The following PRUNE2 variants were observed in gnomAD, a reference collection of about 807,000 sequenced individuals.
PRUNE2 encodes the protein prune homolog 2 with BCH domain.
Under a neutral mutation model 252.0 loss-of-function variants are expected in PRUNE2, and 164 were observed. The ratio of observed to expected loss-of-function variants is 0.65; its 90% CI spans 0.57 to 0.74. PRUNE2 has a LOEUF of 0.74. Ranked by LOEUF, PRUNE2 falls within the 30% of genes least tolerant of loss-of-function variation. The pLI, the probability that PRUNE2 is intolerant of heterozygous loss-of-function variation, is 0.00. For missense variants in PRUNE2, 3,495 were observed against 3,711.0 expected, an observed-to-expected ratio of 0.94 and a Z score of 1.51; for synonymous variants, 1,292 against 1,350.2, an observed-to-expected ratio of 0.96 and a Z score of 0.94.
At chr9:76,660,781 C>CAAAAAAAAAAA (rs11432174) in intron 9 of PRUNE2, among the ~76,000 whole-genome samples, 5 of 101,050 alleles carry the variant, frequency 4.9e-5, no homozygotes, top group Non-Finnish European at 5.7e-5. Context: ...GACTCTGAAT[C>CAAAAAAAAAAA]AAAAAAAAAA....
chr9:76,871,132 C>A (rs2061173088), intron 1 of PRUNE2, among the ~76,000 whole-genome samples: 1 of 152,048 alleles, frequency 6.6e-6, no homozygotes, highest in Non-Finnish European at 1.5e-5. Context: ...CATTTAAGGA[C>A]CACCTCCCTC....
rs2046215837 is a variant in PRUNE2, at chr9:76,705,073, G to A, written c.7201C>T (p.Leu2401Phe). 6.2e-7 allele frequency: 1 copy of A among 1,614,030 alleles called. No homozygotes were observed. The highest frequency in any genetic ancestry group is 8.5e-7 in the Non-Finnish European group (1 of 1,179,904). The change falls in exon 8 of 19, where the codon CTC becomes TTC. Residue 2401 changes from leucine (L) to phenylalanine (F), a missense_variant. By Grantham distance (22) the Leu-to-Phe change is conservative. Transcript: ENST00000376718. ...TCAGCACTCTGGGCAGGTTCTGTGA[G>A]ATAAGACAAATCAAAGGGAGGTGTG... ...PYTPPFDLSYLTEPAQSAETI... is the reference protein window; with the variant it reads ...PYTPPFDLSYFTEPAQSAETI...
At chr9:76,713,471 G>GAGCAATT in intron 7 of PRUNE2, 92 bp downstream of exon 7, 1 of 1,020,186 alleles carries the variant, frequency 9.8e-7, no homozygotes, top group Non-Finnish European at 1.3e-6. Context: ...AATTGCTCAT[G>GAGCAATT]AGCCACCAAT....
At chr9:76,854,342 G>T in intron 1 of PRUNE2, 134 bp from the exon 2 acceptor site, 2 of 469,702 alleles carry the variant, frequency 4.3e-6, no homozygotes, top group Non-Finnish European at 3.8e-6. Flanking sequence ...TTATCATGAA[G>T]TTTTACATGA....
At chr9:76,837,215 G>A (rs752757324) in intron 4 of PRUNE2, among the ~76,000 whole-genome samples, 34 of 152,166 alleles carry the variant, frequency 2.2e-4, no homozygotes, top group Admixed American at 3.3e-4. Context: ...AGGCCAAGGC[G>A]GGCGGATCAC....
At chr9:76,733,685 A>AT (rs1356052072) in intron 6 of PRUNE2, 2 of 152,154 alleles carry the variant, frequency 1.3e-5, no homozygotes, top group African/African-American at 4.8e-5. Context: ...GACTACAGGC[A>AT]TGAGCCATAG....
At chr9:76,632,154 A>G (rs1564382478) in intron 15 of PRUNE2, among the ~76,000 whole-genome samples, 1 of 152,172 alleles carries the variant, frequency 6.6e-6, no homozygotes, top group Non-Finnish European at 1.5e-5. Context: ...TCCTTTGTGT[A>G]TTTACCCAGT....
intron 9 of PRUNE2, among the ~76,000 whole-genome samples, chr9:76,681,666 G>A (rs1225886193): frequency 6.6e-6 from 1 of 152,058 alleles, no homozygotes; most frequent in Non-Finnish European, 1.5e-5. Context: ...TTCCACCACT[G>A]CTTCAATTTA....
At chr9:76,892,800 T>C (rs2062566421) in intron 1 of PRUNE2, among the ~76,000 whole-genome samples, 3 of 152,248 alleles carry the variant, frequency 2.0e-5, no homozygotes, top group Admixed American at 1.3e-4. Flanking sequence ...GGGTAATTTT[T>C]CAGCTTTCCT....
chr9:76,744,079 G>A (rs1050291294), intron 6 of PRUNE2, among the ~76,000 whole-genome samples: 4 of 152,112 alleles, frequency 2.6e-5, no homozygotes, highest in East Asian at 3.8e-4. Flanking sequence ...TAACTGAGGC[G>A]CCTTCAGCAA....
Position 76,708,107 on chromosome 9 carries a change from A to G in PRUNE2, c.4167T>C (p.Thr1389=). Residue 1389 remains threonine, a synonymous_variant, in exon 8 of 19, where the codon ACT becomes ACC. Transcript: ENST00000376718. ...KSGKISSLAV[T]FSPQTEEPEE... ...CTGGTTCCTCGGTTTGAGGACTGAA[A>G]GTGACAGCAAGAGAGCTGATTTTGC... 1 of 1,613,998 alleles carries G rather than the reference A, an allele frequency of 6.2e-7. No individual in the cohort carries two copies. Among genetic ancestry groups the G allele is most frequent in the Non-Finnish European group, 8.5e-7 (1 of 1,179,894 alleles).
At chr9:76,744,488 C>T (rs1188494979) in intron 6 of PRUNE2, among the ~76,000 whole-genome samples, 1 of 152,158 alleles carries the variant, frequency 6.6e-6, no homozygotes, top group Admixed American at 6.5e-5. Context: ...CACCTCTCCA[C>T]AGCTGCCTCC....
intron 9 of PRUNE2, among the ~76,000 whole-genome samples, chr9:76,668,218 A>G (rs2040575712): frequency 6.6e-6 from 1 of 152,222 alleles, no homozygotes; most frequent in African/African-American, 2.4e-5. Flanking sequence ...ATACCAAGAT[A>G]TATGTAAAAA....
At chr9:76,765,968 G>T (rs2052328127) in intron 6 of PRUNE2, among the ~76,000 whole-genome samples, 1 of 152,028 alleles carries the variant, frequency 6.6e-6, no homozygotes, top group Non-Finnish European at 1.5e-5. Flanking sequence ...TGATCACGAG[G>T]TCAAGAGATT....
At chr9:76,773,729 C>A (rs747705155) in intron 6 of PRUNE2, among the ~76,000 whole-genome samples, 2 of 152,168 alleles carry the variant, frequency 1.3e-5, no homozygotes, top group Non-Finnish European at 2.9e-5. Flanking sequence ...CAGGCGTGAG[C>A]CACCGCACCC....
At chr9:76,738,394 T>G (rs542317337) in intron 6 of PRUNE2, 1 of 152,310 alleles carries the variant, frequency 6.6e-6, no homozygotes, top group Admixed American at 6.5e-5. Context: ...AAGGCTCCTT[T>G]GCACATGGCA....
At chr9:76,693,081 A>G (rs948003441) in intron 9 of PRUNE2, 1 of 151,806 alleles carries the variant, frequency 6.6e-6, no homozygotes, top group African/African-American at 2.4e-5. Flanking sequence ...TACTACTATT[A>G]TTAATTCTAA....
In PRUNE2 at chr9:76,710,068, C is replaced by T. The variant is rs1243942669; in HGVS notation, c.2206G>A (p.Glu736Lys). 6.2e-7 allele frequency: 1 copy of T among 1,613,896 alleles called. No homozygotes were observed. The highest frequency in any genetic ancestry group is 1.7e-5 in the Admixed American group (1 of 59,996). Residue 736 changes from glutamate (E) to lysine (K), a missense_variant, in exon 8 of 19, where the codon GAA becomes AAA. Coordinates refer to ENST00000376718, the MANE Select transcript of PRUNE2 (RefSeq NM_015225.3). ...GSNDIQDKNEESLPFQNLPME... is the reference protein window; with the variant it reads ...GSNDIQDKNEKSLPFQNLPME... ...GGCAGGTTCTGGAACGGCAAGCTTT[C>T]CTCATTTTTGTCTTGAATATCATTG...
chr9:76,758,833 G>A (rs934132363), intron 6 of PRUNE2: 3 of 151,958 alleles, frequency 2.0e-5, no homozygotes, highest in South Asian at 2.1e-4. Context: ...AAAAAATTAC[G>A]GGTAGCAAAT....
Sources: gnomAD v4.1 joint callset for allele counts (sites outside exome capture counted in the v4.1 genomes callset) on GRCh38, gnomAD v4.1.1 for gene constraint, MANE v1.5 for transcripts, NCBI Gene and HGNC (gene_info 2026-07-23, HGNC 2026-07-21) for gene names.